Variants in TMEM117 observed in about 807,000 individuals in gnomAD.
The protein encoded by TMEM117 is transmembrane protein 117.
A neutral mutation model predicts 52.4 loss-of-function variants in TMEM117; 27 were observed. The ratio of observed to expected loss-of-function variants is 0.51; its 90% CI spans 0.38 to 0.71. The LOEUF is 0.71. TMEM117 is among the 30% of genes least tolerant of loss of function. TMEM117 has a pLI of 0.00. For missense variants in TMEM117, 556 were observed against 630.5 expected (o/e 0.88, Z 1.26); for synonymous variants, 215 against 206.3 (o/e 1.04, Z -0.36).
At chr12:43,949,590 G>C (rs548790467) in intron 3 of TMEM117, among the ~76,000 whole-genome samples, 4 of 152,296 alleles carry the variant, frequency 2.6e-5, no homozygotes, top group Non-Finnish European at 2.9e-5. Flanking sequence ...TCGGGAAGCT[G>C]CTGATCACCA....
chr12:43,868,872 AAAAG>A (rs1464416781), intron 2 of TMEM117, among the ~76,000 whole-genome samples: 1 of 116,468 alleles, frequency 8.6e-6, no homozygotes, highest in Non-Finnish European at 2.0e-5. Context: ...AGGAAAAGGA[AAAAG>A]AAAAACAATA....
chr12:44,014,045 A>G (rs1447726609), intron 3 of TMEM117, among the ~76,000 whole-genome samples: 2 of 152,182 alleles, frequency 1.3e-5, no homozygotes, highest in East Asian at 3.9e-4. Flanking sequence ...CACCTCAGAT[A>G]CAACTGTGGA....
At chr12:44,051,822 A>G (rs1458217476) in intron 3 of TMEM117, among the ~76,000 whole-genome samples, 2 of 152,242 alleles carry the variant, frequency 1.3e-5, no homozygotes, top group Admixed American at 1.3e-4. Context: ...ACTTAAGTAT[A>G]TAATAACAAC....
In TMEM117 at chr12:44,317,008, T is replaced by C. The variant is rs540071555; in HGVS notation, c.768+17269T>C. Among the ~76,000 whole-genome samples the C allele has an allele frequency of 5.6e-4, 83 of 149,150 alleles. 1 individual carries two copies. In the South Asian group the frequency reaches 0.013, roughly 23 times the overall value. ...GAAATTTCTTTTTCTTTTTCTTTTT[T>C]TTTTTTTTTTTGGCTTTCATCCTTG... On this transcript the variant is annotated intron_variant, in intron 6 of 7. Transcript: ENST00000266534.
intron 3 of TMEM117, among the ~76,000 whole-genome samples, chr12:44,117,691 T>G (rs1281529560): frequency 6.6e-6 from 1 of 152,142 alleles, no homozygotes; most frequent in East Asian, 1.9e-4. Context: ...TACCACTTAC[T>G]TTAGAGCTTC....
intron 5 of TMEM117, among the ~76,000 whole-genome samples, chr12:44,246,106 A>G (rs1023495420): frequency 6.6e-6 from 1 of 152,158 alleles, no homozygotes; most frequent in Non-Finnish European, 1.5e-5. Context: ...GCTGAGTCAT[A>G]TTACATTAAC....
intron 3 of TMEM117, among the ~76,000 whole-genome samples, chr12:43,949,913 TC>T (rs1018449764): frequency 6.6e-6 from 1 of 152,210 alleles, no homozygotes; most frequent in African/African-American, 2.4e-5. Context: ...CCTCAAAACA[TC>T]CCCAGCTATT....
intron 5 of TMEM117, among the ~76,000 whole-genome samples, chr12:44,247,688 A>C (rs1950147130): frequency 6.6e-6 from 1 of 152,234 alleles, no homozygotes; most frequent in Admixed American, 6.5e-5. Flanking sequence ...GAGCAGCGCA[A>C]ACCTTGACCT....
chr12:43,919,479 A>C (rs886528151), intron 2 of TMEM117, among the ~76,000 whole-genome samples: 1 of 152,184 alleles, frequency 6.6e-6, no homozygotes, highest in African/African-American at 2.4e-5. Flanking sequence ...CTTCTTTATT[A>C]AGGCTGAATA....
intron 2 of TMEM117, among the ~76,000 whole-genome samples, chr12:43,942,354 G>T (rs574440563): frequency 6.6e-6 from 1 of 152,136 alleles, no homozygotes; most frequent in Admixed American, 6.5e-5. Context: ...GCATTCTGTG[G>T]TTAATATATT....
chr12:44,070,380 A>C (rs909975337), intron 3 of TMEM117, among the ~76,000 whole-genome samples: 1 of 152,236 alleles, frequency 6.6e-6, no homozygotes, highest in South Asian at 2.1e-4. Context: ...GTTACAGGCT[A>C]TCTGGATCTG....
intron 5 of TMEM117, among the ~76,000 whole-genome samples, chr12:44,289,963 A>T (rs1950684504): frequency 6.6e-6 from 1 of 151,808 alleles, no homozygotes; most frequent in South Asian, 2.1e-4. Context: ...GATTAGTGAG[A>T]TAAAGCACCT....
intron 2 of TMEM117, among the ~76,000 whole-genome samples, chr12:43,914,894 A>AC: frequency 6.6e-6 from 1 of 152,026 alleles, no homozygotes; most frequent in South Asian, 2.1e-4. Context: ...AAGTTCTGGT[A>AC]CCCCCTCCTT....
intron 4 of TMEM117, among the ~76,000 whole-genome samples, chr12:44,188,082 TA>T (rs1949301707): frequency 6.6e-6 from 1 of 152,086 alleles, no homozygotes; most frequent in African/African-American, 2.4e-5. Context: ...TAGATAACCT[TA>T]ATGAGGCAGA....
intron 2 of TMEM117, among the ~76,000 whole-genome samples, chr12:43,928,788 C>A (rs1592370746): frequency 1.4e-5 from 2 of 143,296 alleles, no homozygotes; most frequent in African/African-American, 5.2e-5. Context: ...TGTTCCCCTT[C>A]CTGTGTCCAT....
intron 3 of TMEM117, among the ~76,000 whole-genome samples, chr12:44,130,964 T>C (rs1035904053): frequency 3.3e-5 from 5 of 152,276 alleles, no homozygotes; most frequent in South Asian, 2.1e-4. Context: ...CATCTTTTCA[T>C]AGGACTAGCT....
rs1592572853 is a variant in TMEM117 at position 44,165,793 on chromosome 12, C to T, written c.510+22169C>T. Among the ~76,000 whole-genome samples the T allele has an allele frequency of 2.0e-5, 3 of 152,264 alleles. No homozygotes were observed. The South Asian group carries it at 6.2e-4, about 32-fold the overall frequency. ...ATAACAGTTGGGGACTTTAACACCCCACTCTCAGCATTGGACAGATCATCT... is the reference window on the plus strand; with the variant it reads ...ATAACAGTTGGGGACTTTAACACCCTACTCTCAGCATTGGACAGATCATCT... On this transcript the variant is annotated intron_variant, in intron 4 of 7. Coordinates refer to ENST00000266534, the MANE Select transcript of TMEM117 (RefSeq NM_032256.3).
At chr12:44,263,231 G>C (rs1404618589) in intron 5 of TMEM117, among the ~76,000 whole-genome samples, 2 of 151,828 alleles carry the variant, frequency 1.3e-5, no homozygotes. Flanking sequence ...CTTTAATGTG[G>C]TCAAAAAACA....
intron 2 of TMEM117, among the ~76,000 whole-genome samples, chr12:43,877,388 C>A (rs1289730065): frequency 2.0e-5 from 3 of 152,196 alleles, no homozygotes; most frequent in Middle Eastern, 3.4e-3. Context: ...AATCCCAGCA[C>A]TTTGGGACAC....
Sources: gnomAD v4.1 joint callset for allele counts (sites outside exome capture counted in the v4.1 genomes callset) on GRCh38, gnomAD v4.1.1 for gene constraint, MANE v1.5 for transcripts, NCBI Gene and HGNC (gene_info 2026-07-23, HGNC 2026-07-21) for gene names.